The following SAFB variants were observed in gnomAD, a reference collection of about 807,000 sequenced individuals.
The protein encoded by SAFB is scaffold attachment factor B, also known as scaffold attachment factor B1.
A neutral mutation model predicts 101.6 loss-of-function variants in SAFB; 15 were observed. That is an observed-to-expected ratio of 0.15 (90% CI 0.10 to 0.23). The LOEUF is 0.23. Ranked by LOEUF, SAFB falls within the 10% of genes least tolerant of loss-of-function variation. The pLI is 1.00. For missense variants in SAFB, 930 were observed against 1,104.1 expected (o/e 0.84, Z 2.23); for synonymous variants, 449 against 407.5 (o/e 1.10, Z -1.23).
chr19:5,664,257 T>A, intron 16 of SAFB, 98 bp downstream of exon 16: 1 of 1,463,200 alleles, frequency 6.8e-7, no homozygotes, highest in East Asian at 2.3e-5. Context: ...ACTCCGTTCA[T>A]CAGATGTATG....
chr19:5,667,392 G>A lies in SAFB; in HGVS notation c.2499G>A (p.Arg833=). The change falls in exon 19 of 21, where the codon CGG becomes CGA. Residue 833 remains arginine, a synonymous_variant. Coordinates refer to ENST00000588852, the MANE Select transcript of SAFB (RefSeq NM_001201338.2). This position sits in a 1 kb window ranked among gnomAD's most constrained non-coding sequence, Gnocchi z 4.0. ...WGDHGRREDD[R]SWQGTADGGM... The stretch of plus-strand genomic sequence containing the variant: ...ACCATGGCCGAAGAGAGGATGACCG[G>A]TCATGGCAGGGCACGGCCGACGGGG... The A allele has an allele frequency of 6.6e-7, 1 of 1,513,776 alleles. No homozygotes were observed. The allele number at this position is 1,513,776 out of a possible 1,614,324, so 93.8% of individuals were successfully genotyped here.
At chr19:5,648,722 A>T in intron 6 of SAFB, 1 of 609,706 alleles carries the variant, frequency 1.6e-6, no homozygotes, top group Non-Finnish European at 3.0e-6. Flanking sequence ...GACAGAATGA[A>T]GACTGTCAAG....
chr19:5,629,469 T>C, intron 2 of SAFB, among the ~76,000 whole-genome samples: 1 of 152,186 alleles, frequency 6.6e-6, no homozygotes, highest in South Asian at 2.1e-4. Flanking sequence ...TGTATGCATA[T>C]TTTTTTCATT....
intron 9 of SAFB, among the ~76,000 whole-genome samples, chr19:5,651,472 C>A (rs1449715488): frequency 6.6e-6 from 1 of 152,196 alleles, no homozygotes; most frequent in Non-Finnish European, 1.5e-5. Context: ...ACCCTGGAGT[C>A]TGATGATAGG....
At position 5,654,044 on chromosome 19, in the gene SAFB, A is replaced by G. The variant is rs1174477657; in HGVS notation, c.1527-17A>G. ...GCATGAGCCACCACGCCCAGCCAAC[A>G]TGTCTGTTTTTTATAGATCTACAAA... On this transcript the variant is annotated splice_polypyrimidine_tract_variant and intron_variant, in intron 11 of 20. Transcript: ENST00000588852. The G allele has an allele frequency of 1.9e-6, 3 of 1,613,452 alleles. No homozygotes were observed. Among genetic ancestry groups the G allele is most frequent in the African/African-American group, 1.3e-5 (1 of 74,918 alleles).
At chr19:5,633,479 A>G (rs192846138) in intron 2 of SAFB, among the ~76,000 whole-genome samples, 156 of 152,244 alleles carry the variant, frequency 1.0e-3, no homozygotes, top group Middle Eastern at 3.4e-3. Flanking sequence ...GAGGAGAGCT[A>G]TTAGAAACCA....
chr19:5,662,238 C>T (rs1400156282), intron 15 of SAFB, among the ~76,000 whole-genome samples: 2 of 152,186 alleles, frequency 1.3e-5, no homozygotes, highest in Admixed American at 6.5e-5. Flanking sequence ...TAGTTCACGC[C>T]TGTAATCCTA....
chr19:5,653,462 T>G (rs755123201), intron 11 of SAFB, 42 bp downstream of exon 11: 5 of 1,571,642 alleles, frequency 3.2e-6, no homozygotes, highest in South Asian at 2.2e-5. Context: ...CAGGGTGTTT[T>G]TTGTTGTTGT....
At position 5,667,196 on chromosome 19, in the gene SAFB, C is replaced by G. The variant is rs369240942; in HGVS notation, c.2453+32C>G. On this transcript the variant is annotated intron_variant, in intron 18 of 20. Transcript: ENST00000588852. This position sits in a 1 kb window ranked among gnomAD's most constrained non-coding sequence, Gnocchi z 4.0. Reference sequence around the variant, plus strand: ...GTCCCACACCCGACAGTACCTGACCCCCCCCCCGCCCACAAGGGGGCCCGC... The same window carrying G: ...GTCCCACACCCGACAGTACCTGACCGCCCCCCCGCCCACAAGGGGGCCCGC... 5.8e-5 allele frequency: 76 copies of G among 1,314,746 alleles called. 1 individual carries two copies. The South Asian group carries it at 7.2e-4, about 12-fold the overall frequency. The allele number at this position is 1,314,746 out of a possible 1,614,324, so 81.4% of individuals were successfully genotyped here.
chr19:5,624,902 C>T (rs1370482964), intron 1 of SAFB, among the ~76,000 whole-genome samples: 1 of 152,012 alleles, frequency 6.6e-6, no homozygotes, highest in Non-Finnish European at 1.5e-5. Flanking sequence ...GGTGTGGTGC[C>T]CCGCCACCAG....
At chr19:5,659,844 G>T (rs2054155236) in intron 14 of SAFB, among the ~76,000 whole-genome samples, 1 of 152,140 alleles carries the variant, frequency 6.6e-6, no homozygotes, top group Non-Finnish European at 1.5e-5. Context: ...CAGACCCTAG[G>T]CCCCTCTCCA....
chr19:5,631,237 C>T (rs1260619778), intron 2 of SAFB, among the ~76,000 whole-genome samples: 1 of 152,128 alleles, frequency 6.6e-6, no homozygotes, highest in African/African-American at 2.4e-5. Context: ...CACTTCTGCC[C>T]CTCCCAGTGC....
chr19:5,627,759 G>GATCC (rs1467599122), intron 2 of SAFB, among the ~76,000 whole-genome samples: 5 of 152,068 alleles, frequency 3.3e-5, no homozygotes, highest in African/African-American at 1.2e-4. Flanking sequence ...AAAGACAACT[G>GATCC]ATCCATCCCA....
At chr19:5,666,377 A>T (rs1288257727) in intron 17 of SAFB, 3 of 153,354 alleles carry the variant, frequency 2.0e-5, no homozygotes, top group Non-Finnish European at 4.4e-5. Context: ...CGTGGCTTAC[A>T]AAAACAATGA....
chr19:5,662,689 G>A (rs982508530), intron 15 of SAFB, among the ~76,000 whole-genome samples: 1 of 148,724 alleles, frequency 6.7e-6, no homozygotes, highest in Non-Finnish European at 1.5e-5. Context: ...TGCCCAGGCT[G>A]GAGTGCAATG....
chr19:5,657,262 A>G lies in SAFB; in HGVS notation c.1777A>G (p.Lys593Glu). The change falls in exon 14 of 21, where the codon AAA becomes GAA. Residue 593 changes from lysine (K) to glutamate (E), a missense_variant. Lys to Glu is a moderately conservative substitution (Grantham distance 56). Coordinates refer to ENST00000588852, the MANE Select transcript of SAFB (RefSeq NM_001201338.2). The stretch of plus-strand genomic sequence containing the variant: ...CTAGGCTTCCAAAAGCCAGGATCGC[A>G]AATCAGCCAGCAGAGAGAAGCGGTC... ...KERASKSQDR[K>E]SASREKRSVV... 6.2e-7 allele frequency: 1 copy of G among 1,614,046 alleles called. No homozygotes were observed. Among genetic ancestry groups the G allele is most frequent in the Non-Finnish European group, 8.5e-7 (1 of 1,179,948 alleles).
At chr19:5,658,279 T>C (rs369911497) in intron 14 of SAFB, among the ~76,000 whole-genome samples, 13 of 152,310 alleles carry the variant, frequency 8.5e-5, no homozygotes, top group African/African-American at 2.4e-4. Context: ...ATTACAGGCA[T>C]GAGCCACTGC....
At chr19:5,626,271 C>CGAATGATTAAAAA in intron 1 of SAFB, 134 bp from the exon 2 acceptor site, 1 of 564,028 alleles carries the variant, frequency 1.8e-6, no homozygotes. Context: ...GTGGATGGGC[C>CGAATGATTAAAAA]ACAGGTCCTG....
intron 14 of SAFB, among the ~76,000 whole-genome samples, chr19:5,659,467 C>T (rs1206199737): frequency 1.3e-5 from 2 of 151,724 alleles, no homozygotes; most frequent in East Asian, 2.0e-4. Flanking sequence ...CTGCAAGCTC[C>T]GTCCCCTGGG....
Sources: allele counts gnomAD v4.1 joint callset (sites outside exome capture counted in the v4.1 genomes callset), GRCh38; gene constraint gnomAD v4.1.1; non-coding constraint Gnocchi (gnomAD v3.1); transcripts MANE v1.5; gene names NCBI Gene and HGNC (gene_info 2026-07-23, HGNC 2026-07-21).